Variants in GALNT9 observed in about 807,000 individuals in gnomAD.
GALNT9 encodes the protein GalNAc transferase 9.
In GALNT9, 47 loss-of-function variants were observed where a neutral mutation model predicts 63.1. The ratio of observed to expected loss-of-function variants is 0.75; its 90% confidence interval spans 0.59 to 0.95. The LOEUF (loss-of-function observed/expected upper bound fraction) is 0.95. Among genes scored for constraint, GALNT9 ranks in the 40% least tolerant of loss-of-function variants. The pLI is 0.00. For missense variants in GALNT9, 829 were observed against 874.8 expected (o/e 0.95, Z 0.66); for synonymous variants, 396 against 365.7 (o/e 1.08, Z -0.94).
chr12:132,321,438 A>G (rs181341863), intron 1 of GALNT9, among the ~76,000 whole-genome samples: 41 of 152,278 alleles, frequency 2.7e-4, no homozygotes, highest in Middle Eastern at 3.4e-3. Flanking sequence ...GTGCCCCCAC[A>G]AAACAGGCAC....
intron 1 of GALNT9, among the ~76,000 whole-genome samples, chr12:132,314,104 C>A (rs1868397955): frequency 8.6e-6 from 1 of 115,750 alleles, no homozygotes; most frequent in Non-Finnish European, 1.8e-5. Flanking sequence ...CACCCACCCA[C>A]CCATCCATCC....
rs2136905329 is a variant in GALNT9 at position 132,243,392 on chromosome 12, G to GCT, written c.1077+4516_1077+4517dup. Among the ~76,000 whole-genome samples, 39 of 123,372 alleles carry GCT rather than the reference G, an allele frequency of 3.2e-4. 2 individuals carry two copies. Among genetic ancestry groups the GCT allele is most frequent in the South Asian group, 9.9e-4 (3 of 3,024 alleles). The allele number at this position is 123,372 out of a possible 152,430, so 80.9% of individuals were successfully genotyped here. A position where few individuals can be genotyped will look rare whatever the true frequency, so the allele number is the denominator to read the frequency against. ...TGTCCAGTCCTCCCCGTCCTCCGGA[G>GCT]CTCTCTCTGGTGGGGGCCCCAGTCC... is the stretch of plus-strand genomic sequence containing the variant. On this transcript the variant is annotated intron_variant, in intron 6 of 10. Transcript: ENST00000328957.
In GALNT9 at chr12:132,282,218, C is replaced by G. The variant is rs541359456; in HGVS notation, c.419+4032G>C. ...TGATCCCACAGAAGAGGAATCAGCT[C>G]CACTGCAGCAAGGCCAGGCCTGGGG... On this transcript the variant is annotated intron_variant, in intron 2 of 10. Coordinates refer to ENST00000328957, the MANE Select transcript of GALNT9 (RefSeq NM_001122636.2). This position sits in a 1 kb window ranked among gnomAD's most constrained non-coding sequence, Gnocchi z 4.5. Among the ~76,000 whole-genome samples, 9 of 150,908 alleles carry G rather than the reference C, an allele frequency of 6.0e-5. No individual in the cohort carries two copies. The highest frequency in any genetic ancestry group is 1.2e-4 in the Non-Finnish European group (8 of 67,738).
intron 1 of GALNT9, among the ~76,000 whole-genome samples, chr12:132,298,781 C>A (rs1426896591): frequency 8.2e-5 from 12 of 146,240 alleles, no homozygotes; most frequent in Non-Finnish European, 1.8e-4. Context: ...ACACACCTAA[C>A]CCATCCCTGA....
At chr12:132,217,772 A>G (rs990702251) in intron 6 of GALNT9, among the ~76,000 whole-genome samples, 5 of 145,614 alleles carry the variant, frequency 3.4e-5, no homozygotes, top group Non-Finnish European at 6.0e-5. Flanking sequence ...CCACCCATCC[A>G]TCCCTGCATC....
At chr12:132,208,589 C>T (rs1237673317) in intron 6 of GALNT9, among the ~76,000 whole-genome samples, 2 of 152,188 alleles carry the variant, frequency 1.3e-5, no homozygotes, top group East Asian at 3.8e-4. Context: ...GATGAGAGAC[C>T]ATGTGGAGCA....
Position 132,245,615 on chromosome 12 carries a change from G to A in GALNT9, c.1077+2295C>T, listed in dbSNP as rs868966254. Among the ~76,000 whole-genome samples the A allele has an allele frequency of 1.0e-4, 15 of 149,746 alleles. No individual in the cohort carries two copies. The highest frequency in any genetic ancestry group is 3.4e-3 in the Middle Eastern group (1 of 292). ...CCCCCAGCCCAGCCTGCTGACCCTCGCCCAGCCAGGGCCCTCCGTGGTCCA... is the reference window on the plus strand; with the variant it reads ...CCCCCAGCCCAGCCTGCTGACCCTCACCCAGCCAGGGCCCTCCGTGGTCCA... On this transcript the variant is annotated intron_variant, in intron 6 of 10. Coordinates refer to ENST00000328957, the MANE Select transcript of GALNT9 (RefSeq NM_001122636.2). The surrounding 1 kb of genome is among the most constrained non-coding windows in gnomAD (Gnocchi z 6.3).
chr12:132,248,046 G>A lies in GALNT9; in HGVS notation c.960-19C>T, dbSNP rs782056193. On this transcript the variant is annotated intron_variant, in intron 5 of 10. Transcript: ENST00000328957. ...TGGGGTCCTGGGAGGCAGAGACAGC[G>A]GCGTGAGGACCTCGCCATGCAGGCC... 3.4e-5 allele frequency: 52 copies of A among 1,542,716 alleles called. No homozygotes were observed. The Admixed American group carries it at 3.5e-4, about 11-fold the overall frequency.
chr12:132,311,538 G>A (rs1555245189), intron 1 of GALNT9, among the ~76,000 whole-genome samples: 1 of 152,190 alleles, frequency 6.6e-6, no homozygotes. Flanking sequence ...ACAATGACCA[G>A]CACACAGTCA....
At chr12:132,321,566 C>T (rs1566024731) in intron 1 of GALNT9, among the ~76,000 whole-genome samples, 1 of 152,178 alleles carries the variant, frequency 6.6e-6, no homozygotes, top group South Asian at 2.1e-4. Context: ...TAGCACCTCA[C>T]CATCTCCCTC....
chr12:132,291,674 CGGTG>C (rs1880860777), intron 1 of GALNT9, among the ~76,000 whole-genome samples: 2 of 105,546 alleles, frequency 1.9e-5, no homozygotes, highest in African/African-American at 8.0e-5. Flanking sequence ...CCCACATCCA[CGGTG>C]CCCACATCCA....
intron 1 of GALNT9, among the ~76,000 whole-genome samples, chr12:132,305,385 G>A (rs186232333): frequency 7.6e-5 from 3 of 39,276 alleles, no homozygotes; most frequent in Non-Finnish European, 1.4e-4. Context: ...CCTCACCCGG[G>A]CACATCCTCA....
intron 8 of GALNT9, chr12:132,200,409 A>G (rs771087363): frequency 1.3e-5 from 2 of 152,208 alleles, no homozygotes; most frequent in Admixed American, 1.3e-4. Flanking sequence ...GTGAGTGTGC[A>G]TATCACCCAT....
At chr12:132,267,889 ACGCACACACGCACACAAATC>A (rs1879694837) in intron 2 of GALNT9, among the ~76,000 whole-genome samples, 7 of 145,696 alleles carry the variant, frequency 4.8e-5, no homozygotes, top group African/African-American at 1.6e-4. Context: ...ATGCACTCAC[ACGCACACACGCACACAAATC>A]CACATGCACT....
chr12:132,259,132 C>T (rs1371757496), intron 4 of GALNT9, among the ~76,000 whole-genome samples: 1 of 152,228 alleles, frequency 6.6e-6, no homozygotes, highest in African/African-American at 2.4e-5. Context: ...ATGAAAAGCT[C>T]CCTGGAAATG....
rs1279323045 is a variant in GALNT9, at chr12:132,327,118, T to C, written c.238+1848A>G. 6.6e-6 allele frequency among the ~76,000 whole-genome samples: 1 copy of C among 151,918 alleles called. No homozygotes were observed. The highest frequency in any genetic ancestry group is 1.5e-5 in the Non-Finnish European group (1 of 67,998). On this transcript the variant is annotated intron_variant, in intron 1 of 10. Transcript: ENST00000328957. This position sits in a 1 kb window ranked among gnomAD's most constrained non-coding sequence, Gnocchi z 4.3. ...GAGGGCAAAGACAGAGGCAGACAGATGGCAGGGGCCGTTCGGAGAAAGGCT... is the reference window on the plus strand; with the variant it reads ...GAGGGCAAAGACAGAGGCAGACAGACGGCAGGGGCCGTTCGGAGAAAGGCT...
At chr12:132,207,173 C>T (rs34101219) in intron 6 of GALNT9, among the ~76,000 whole-genome samples, 4,087 of 152,310 alleles carry the variant, frequency 0.027, 83 homozygotes, top group Non-Finnish European at 0.044. Flanking sequence ...AGCTGGGCGT[C>T]CGGACCAGAG....
At chr12:132,277,056 T>C (rs1470024657) in intron 2 of GALNT9, among the ~76,000 whole-genome samples, 1 of 152,164 alleles carries the variant, frequency 6.6e-6, no homozygotes, top group African/African-American at 2.4e-5. Flanking sequence ...CACACTCTCC[T>C]ACATTCTATG....
At chr12:132,254,754 C>T (rs1017842392) in intron 5 of GALNT9, among the ~76,000 whole-genome samples, 1 of 152,192 alleles carries the variant, frequency 6.6e-6, no homozygotes, top group South Asian at 2.1e-4. Flanking sequence ...AGTCAGTCCT[C>T]TTGGTCTGTC....
Sources: gnomAD v4.1 joint callset for allele counts (sites outside exome capture counted in the v4.1 genomes callset) on GRCh38, gnomAD v4.1.1 for gene constraint, Gnocchi (gnomAD v3.1) non-coding constraint, MANE v1.5 for transcripts, NCBI Gene and HGNC (gene_info 2026-07-23, HGNC 2026-07-21) for gene names.